VLDLR: variants seen among roughly 807,000 people sequenced by gnomAD.
VLDLR encodes very low-density lipoprotein receptor.
A neutral mutation model predicts 112.7 loss-of-function variants in VLDLR; 81 were observed. The ratio of observed to expected loss-of-function variants is 0.72; its 90% CI spans 0.60 to 0.86. The LOEUF (loss-of-function observed/expected upper bound fraction) is 0.86. Ranked by LOEUF, VLDLR falls within the 40% of genes least tolerant of loss-of-function variation. The probability of loss-of-function intolerance (pLI) is 0.00; values close to 1 mark genes in which losing one functional copy is unlikely to be tolerated. For synonymous variants in VLDLR, 436 were observed against 384.8 expected (o/e 1.13, Z -1.56); for missense variants, 1,237 against 1,099.4 (o/e 1.13, Z -1.77).
chr9:2,645,457 A>G, intron 9 of VLDLR, 117 bp from the exon 10 acceptor site: 4 of 1,258,918 alleles, frequency 3.2e-6, no homozygotes, highest in Non-Finnish European at 4.6e-6. Context: ...AACAGATACT[A>G]CTGAGGTATT....
chr9:2,627,448 G>A (rs567239359), intron 1 of VLDLR, among the ~76,000 whole-genome samples: 8 of 152,124 alleles, frequency 5.3e-5, no homozygotes, highest in Non-Finnish European at 7.3e-5. Context: ...CCAGTTAGCC[G>A]CTGCTAACCT....
intron 1 of VLDLR, among the ~76,000 whole-genome samples, chr9:2,629,266 C>T (rs1015833533): frequency 1.3e-5 from 2 of 152,222 alleles, no homozygotes; most frequent in African/African-American, 2.4e-5. Context: ...AAGGTATATC[C>T]GATGGAGGGC....
chr9:2,645,140 G>C (rs1035539495), intron 9 of VLDLR, 58 bp downstream of exon 9: 8 of 1,612,182 alleles, frequency 5.0e-6, no homozygotes, highest in Non-Finnish European at 6.8e-6. Context: ...GCCTCTAAAA[G>C]GTACAGCCAG....
At chr9:2,653,798 C>T (rs1265954502) in intron 18 of VLDLR, 35 bp from the exon 19 acceptor site, 10 of 1,613,582 alleles carry the variant, frequency 6.2e-6, no homozygotes, top group Admixed American at 1.7e-5. Flanking sequence ...AGTGAGTGAT[C>T]ACCAAGCTCA....
intron 9 of VLDLR, 149 bp downstream of exon 9, chr9:2,645,231 A>T: frequency 1.7e-6 from 2 of 1,185,250 alleles, no homozygotes; most frequent in Non-Finnish European, 2.5e-6. Context: ...TATAGGTCAA[A>T]TAGCAGATCT....
rs71329439 is a variant in VLDLR at position 2,633,051 on chromosome 9, A to AGT, written c.83-2366_83-2365dup. Among the ~76,000 whole-genome samples, 1,070 of 115,424 alleles carry AGT rather than the reference A, an allele frequency of 9.3e-3. 7 individuals carry two copies. Among genetic ancestry groups the AGT allele is most frequent in the South Asian group, 0.018 (56 of 3,102 alleles). 75.7% of individuals were successfully genotyped at this position (115,424 alleles called of 152,430 possible). Reference sequence around the variant, plus strand: ...TTATTGGAGAGAGAGAGAGAGAGAGAGTGTGTGTGTGTGTGTGTGTGTGTG... The same window carrying AGT: ...TTATTGGAGAGAGAGAGAGAGAGAGAGTGTGTGTGTGTGTGTGTGTGTGTGTG... On this transcript the variant is annotated intron_variant, in intron 1 of 18. Coordinates refer to ENST00000382100, the MANE Select transcript of VLDLR (RefSeq NM_003383.5).
In VLDLR at chr9:2,650,248, A is replaced by G. The variant is rs2130805251; in HGVS notation, c.2105-122A>G. ...TGATACTGTTCTCACTTGAAGGATT[A>G]GCAGAGTAGACAAGTTTAAGCTCTT... On this transcript the variant is annotated intron_variant, in intron 14 of 18. Coordinates refer to ENST00000382100, the MANE Select transcript of VLDLR (RefSeq NM_003383.5). 2 of 1,178,694 alleles carry G rather than the reference A, an allele frequency of 1.7e-6. 1 individual carries two copies. The highest frequency in any genetic ancestry group is 2.6e-5 in the South Asian group (2 of 76,898). 73.0% of individuals were successfully genotyped at this position (1,178,694 alleles called of 1,614,324 possible). A position where few individuals can be genotyped will look rare whatever the true frequency, so the allele number is the denominator to read the frequency against.
Position 2,643,141 on chromosome 9 carries a change from G to GC in VLDLR, c.449-18dup. 1.9e-6 allele frequency: 3 copies of GC among 1,605,854 alleles called. No homozygotes were observed. The highest frequency in any genetic ancestry group is 2.5e-6 in the Non-Finnish European group (3 of 1,179,974). Reference sequence around the variant, plus strand: ...CCAATCTTGATGCATTTTCAGTGGGGCATCCTCTCTCTTAATAGGCAATAT... The same window carrying GC: ...CCAATCTTGATGCATTTTCAGTGGGGCCATCCTCTCTCTTAATAGGCAATAT... On this transcript the variant is annotated intron_variant, in intron 4 of 18. Transcript: ENST00000382100.
intron 14 of VLDLR, among the ~76,000 whole-genome samples, chr9:2,649,160 T>C (rs1818199606): frequency 6.6e-5 from 10 of 152,142 alleles, no homozygotes; most frequent in African/African-American, 2.2e-4. Flanking sequence ...TTTGCTAGGA[T>C]TTTTGCAATG....
intron 3 of VLDLR, among the ~76,000 whole-genome samples, chr9:2,640,573 G>A (rs1056623293): frequency 1.1e-4 from 17 of 152,168 alleles, no homozygotes; most frequent in African/African-American, 3.4e-4. Flanking sequence ...CATAAAGAAT[G>A]ATGGTTTGGG....
intron 3 of VLDLR, 74 bp from the exon 4 acceptor site, chr9:2,641,303 T>C (rs984619892): frequency 6.2e-7 from 1 of 1,609,306 alleles, no homozygotes. Flanking sequence ...TATTAGCGCT[T>C]CCAGGCAGCA....
Position 2,621,790 on chromosome 9 carries a change from C to G in VLDLR, c.-400C>G, listed in dbSNP as rs972193412. 4.1e-6 allele frequency: 2 copies of G among 483,396 alleles called. No individual in the cohort carries two copies. The highest frequency in any genetic ancestry group is 1.6e-5 in the South Asian group (1 of 62,690). The allele number at this position is 483,396 out of a possible 1,614,324, so 29.9% of individuals were successfully genotyped here. On this transcript the variant is annotated 5_prime_UTR_variant, in exon 1 of 19. Coordinates refer to ENST00000382100, the MANE Select transcript of VLDLR (RefSeq NM_003383.5). ...TCCGGCCCCCTCCCCGCTGCTCACCCCGCTCTCCGGCCGCCGCCGGTGCGG... is the reference window on the plus strand; with the variant it reads ...TCCGGCCCCCTCCCCGCTGCTCACCGCGCTCTCCGGCCGCCGCCGGTGCGG...
In VLDLR at chr9:2,648,781, T is replaced by TTGTC; in HGVS notation, c.2077_2080dup (p.Tyr694CysfsTer4). On this transcript the variant is annotated frameshift_variant, in exon 14 of 19. Transcript: ENST00000382100. LOFTEE classifies it high-confidence loss of function. ...AACCTGAATGATGCCCAAGACATCA[T>TTGTC]TGTCTATCATGAACTTGTACAGCCA... 1 of 1,614,144 alleles carries TTGTC rather than the reference T, an allele frequency of 6.2e-7. No individual in the cohort carries two copies. The highest frequency in any genetic ancestry group is 8.5e-7 in the Non-Finnish European group (1 of 1,180,022).
chr9:2,651,903 G>A lies in VLDLR; in HGVS notation c.2365G>A (p.Val789Ile). 3 of 1,614,078 alleles carry A rather than the reference G, an allele frequency of 1.9e-6. No individual in the cohort carries two copies. The South Asian group carries it at 3.3e-5, about 18-fold the overall frequency. ...GINVTTAVSEVSVPPKGTSAA... is the reference protein window; with the variant it reads ...GINVTTAVSEISVPPKGTSAA... ...CAATGTGACCACAGCAGTATCAGAG[G>A]TCAGTGTTCCCCCAAAAGGGACTTC... The change falls in exon 17 of 19, where the codon GTC (valine) becomes ATC (isoleucine). Residue 789 changes from valine to isoleucine, a missense_variant. By Grantham distance (29) the Val-to-Ile change is conservative (BLOSUM62 3). Coordinates refer to ENST00000382100, the MANE Select transcript of VLDLR (RefSeq NM_003383.5).
chr9:2,640,685 T>C (rs1268847875), intron 3 of VLDLR, among the ~76,000 whole-genome samples: 1 of 152,102 alleles, frequency 6.6e-6, no homozygotes, highest in Non-Finnish European at 1.5e-5. Flanking sequence ...AGGACTAACA[T>C]GAACACAGTT....
At chr9:2,632,676 A>ATAGG (rs1432540482) in intron 1 of VLDLR, among the ~76,000 whole-genome samples, 1 of 152,160 alleles carries the variant, frequency 6.6e-6, no homozygotes, top group Admixed American at 6.6e-5. Flanking sequence ...CCAGAGGTGG[A>ATAGG]TAGGTAGAAC....
At chr9:2,635,769 T>C (rs933860860) in intron 2 of VLDLR, among the ~76,000 whole-genome samples, 197 bp downstream of exon 2, 4 of 152,170 alleles carry the variant, frequency 2.6e-5, no homozygotes, top group African/African-American at 4.8e-5. Flanking sequence ...TAAGGTGATG[T>C]TCCATTTAAA....
Position 2,643,906 on chromosome 9 carries a change from G to A in VLDLR, c.1013G>A (p.Cys338Tyr), listed in dbSNP as rs1342630392. The change falls in exon 7 of 19, where the codon TGT becomes TAT. Residue 338 changes from cysteine to tyrosine, a missense_variant. Transcript: ENST00000382100. ...GAATGCATAGATATCAGCAAAGTATGTAACCAGGAGCAGGACTGCAGGGAC... is the reference window on the plus strand; with the variant it reads ...GAATGCATAGATATCAGCAAAGTATATAACCAGGAGCAGGACTGCAGGGAC... ...SGECIDISKV[C>Y]NQEQDCRDWS... 1 of 1,614,154 alleles carries A rather than the reference G, an allele frequency of 6.2e-7. No homozygotes were observed. Among genetic ancestry groups the A allele is most frequent in the Non-Finnish European group, 8.5e-7 (1 of 1,180,028 alleles).
At chr9:2,638,018 T>G (rs955950233) in intron 2 of VLDLR, among the ~76,000 whole-genome samples, 2 of 152,198 alleles carry the variant, frequency 1.3e-5, no homozygotes, top group Non-Finnish European at 2.9e-5. Context: ...ATTCCGCTAC[T>G]CCCTCTTTTG....
Sources: allele counts gnomAD v4.1 joint callset (sites outside exome capture counted in the v4.1 genomes callset), GRCh38; gene constraint gnomAD v4.1.1; transcripts MANE v1.5; gene names NCBI Gene and HGNC (gene_info 2026-07-23, HGNC 2026-07-21).